CSNK2A3: variants seen among roughly 807,000 people sequenced by gnomAD.
The protein encoded by CSNK2A3 is casein kinase 2 alpha 3.
Under a neutral mutation model 36.5 loss-of-function variants are expected in CSNK2A3, and 31 were observed. The ratio of observed to expected loss-of-function variants is 0.85; its 90% CI spans 0.64 to 1.15. The LOEUF (loss-of-function observed/expected upper bound fraction) is 1.15. Among genes scored for constraint, CSNK2A3 ranks in the 50% most tolerant of loss-of-function variants. The probability of loss-of-function intolerance (pLI) is 0.00; values close to 1 mark genes in which losing one functional copy is unlikely to be tolerated. For synonymous variants in CSNK2A3, 152 were observed against 176.3 expected (o/e 0.86, Z 1.09); for missense variants, 443 against 487.2 (o/e 0.91, Z 0.85).
Position 11,352,621 on chromosome 11 carries a change from C to T in CSNK2A3, c.499G>A (p.Glu167Lys), listed in dbSNP as rs765804531. ...TCTATTAGTCGTAGCTTTCTGTGCT[C>T]ATGATCAATCATGACATTATGGGGC... ...VKPHNVMIDHEHRKLRLIDWG... is the reference protein window; with the variant it reads ...VKPHNVMIDHKHRKLRLIDWG... The change falls in exon 1 of 1, where the codon GAG becomes AAG. Residue 167 changes from glutamate to lysine, a missense_variant. By Grantham distance (56) the Glu-to-Lys change is moderately conservative. Transcript: ENST00000528848. 6 of 1,614,058 alleles carry T rather than the reference C, an allele frequency of 3.7e-6. No individual in the cohort carries two copies. The highest frequency in any genetic ancestry group is 4.2e-6 in the Non-Finnish European group (5 of 1,180,044).
the CSNK2A3 span, chr11:11,353,022 C>T: frequency 6.2e-6 from 10 of 1,614,096 alleles, no homozygotes; most frequent in East Asian, 2.0e-4. Flanking sequence ...TTGATTTCCC[C>T]ATTCCACCAC....
chr11:11,352,650 A>T lies in CSNK2A3; in HGVS notation c.470T>A (p.Val157Asp), dbSNP rs112076136. Reference protein sequence around the residue: ...CHSMGIMHRDVKPHNVMIDHE... With the variant: ...CHSMGIMHRDDKPHNVMIDHE... ...ATCAATCATGACATTATGGGGCTTG[A>T]CATCTCTGTGCATAATTCCCATGCT... The change falls in exon 1 of 1, where the codon GTC (valine) becomes GAC (aspartate). Residue 157 changes from valine (V) to aspartate (D), a missense_variant. Physicochemically the swap from Val to Asp is radical, Grantham distance 152. Coordinates refer to ENST00000528848, the MANE Select transcript of CSNK2A3 (RefSeq NM_001256686.2). 3.1e-6 allele frequency: 5 copies of T among 1,614,066 alleles called. No individual in the cohort carries two copies. The highest frequency in any genetic ancestry group is 4.2e-6 in the Non-Finnish European group (5 of 1,180,052).
Position 11,353,055 on chromosome 11 carries a change from T to C in CSNK2A3, c.65A>G (p.Glu22Gly). ...CACATGTGACTCGTAATCCCAGTATTCTCGAGGTCTGTGTGTATTAACATC... is the reference window on the plus strand; with the variant it reads ...CACATGTGACTCGTAATCCCAGTATCCTCGAGGTCTGTGTGTATTAACATC... The part of the protein sequence containing the change: ...YTDVNTHRPR[E>G]YWDYESHVVE... The change falls in exon 1 of 1, where the codon GAA (glutamate) becomes GGA (glycine). Residue 22 changes from glutamate (E) to glycine (G), a missense_variant. Glu to Gly is a moderately conservative substitution (Grantham distance 98, BLOSUM62 -2). Transcript: ENST00000528848. 1 of 1,614,214 alleles carries C rather than the reference T, an allele frequency of 6.2e-7. No individual in the cohort carries two copies. Among genetic ancestry groups the C allele is most frequent in the Non-Finnish European group, 8.5e-7 (1 of 1,180,044 alleles).
At position 11,352,250 on chromosome 11, in the gene CSNK2A3, C is replaced by G. The variant is rs753781749; in HGVS notation, c.870G>C (p.Gln290His). ...CCAAGGCCTCAGGGCTGACAAGGTG[C>G]TGATTTTCACTGTGGACAAAGCGTT... Reference protein sequence around the residue: ...RWERFVHSENQHLVSPEALDF... With the variant: ...RWERFVHSENHHLVSPEALDF... Residue 290 changes from glutamine (Q) to histidine (H), a missense_variant, in exon 1 of 1, where the codon CAG becomes CAC. Physicochemically the swap from Gln to His is conservative, Grantham distance 24. Transcript: ENST00000528848. The G allele has an allele frequency of 1.3e-5, 21 of 1,613,974 alleles. No homozygotes were observed. The highest frequency in any genetic ancestry group is 1.4e-5 in the Non-Finnish European group (17 of 1,180,020).
In CSNK2A3 at chr11:11,353,239, A is replaced by AAGCGGC; in HGVS notation, c.-126_-121dup. 1.6e-6 allele frequency: 2 copies of AAGCGGC among 1,285,738 alleles called. No individual in the cohort carries two copies. The highest frequency in any genetic ancestry group is 2.2e-6 in the Non-Finnish European group (2 of 915,628). 79.6% of individuals were successfully genotyped at this position (1,285,738 alleles called of 1,614,324 possible). A position where few individuals can be genotyped will look rare whatever the true frequency, so the allele number is the denominator to read the frequency against. ...ACCTGTTTTCTTCACACTGTGGTGG[A>AAGCGGC]AGCGGCAGCGGCTGTGGCCGCTCTC... On this transcript the variant is annotated 5_prime_UTR_variant, in exon 1 of 1. Transcript: ENST00000528848.
At chr11:11,352,252 G>A in the CSNK2A3 span, 1 of 1,614,086 alleles carries the variant, frequency 6.2e-7, no homozygotes, top group Non-Finnish European at 8.5e-7. Context: ...ACAAGGTGCT[G>A]ATTTTCACTG....
chr11:11,352,179 G>A lies in CSNK2A3; in HGVS notation c.941C>T (p.Thr314Ile). 6.2e-7 allele frequency: 1 copy of A among 1,613,806 alleles called. No homozygotes were observed. Among genetic ancestry groups the A allele is most frequent in the Admixed American group, 1.7e-5 (1 of 59,970 alleles). The stretch of plus-strand genomic sequence containing the variant: ...GGGGTGCTCCATGGCCTCTCTTGCA[G>A]TAAGCCGTGACTGGTGGTCATATCG... Reference protein sequence around the residue: ...LLRYDHQSRLTAREAMEHPYF... With the variant: ...LLRYDHQSRLIAREAMEHPYF... Residue 314 changes from threonine (T) to isoleucine (I), a missense_variant, in exon 1 of 1, where the codon ACT (threonine) becomes ATT (isoleucine). By Grantham distance (89) the Thr-to-Ile change is moderately conservative. Transcript: ENST00000528848.
At chr11:11,351,984 A>AG in the CSNK2A3 span, 1 of 1,610,644 alleles carries the variant, frequency 6.2e-7, no homozygotes, top group Admixed American at 1.7e-5. Context: ...AGGCATCCCA[A>AG]GGGGGTTGGC....
chr11:11,352,641 T>C lies in CSNK2A3; in HGVS notation c.479A>G (p.His160Arg), dbSNP rs758848628. 2.5e-6 allele frequency: 4 copies of C among 1,614,212 alleles called. No individual in the cohort carries two copies. The highest frequency in any genetic ancestry group is 1.1e-5 in the South Asian group (1 of 91,076). Residue 160 changes from histidine to arginine, a missense_variant, in exon 1 of 1, where the codon CAT (histidine) becomes CGT (arginine). Physicochemically the swap from His to Arg is conservative, Grantham distance 29 (BLOSUM62 0). Coordinates refer to ENST00000528848, the MANE Select transcript of CSNK2A3 (RefSeq NM_001256686.2). ...GTGCTCATGATCAATCATGACATTA[T>C]GGGGCTTGACATCTCTGTGCATAAT... ...MGIMHRDVKP[H>R]NVMIDHEHRK...
chr11:11,352,279 A>C lies in CSNK2A3; in HGVS notation c.841T>G (p.Trp281Gly), dbSNP rs530056112. 6.2e-7 allele frequency: 1 copy of C among 1,614,126 alleles called. No homozygotes were observed. Among genetic ancestry groups the C allele is most frequent in the Admixed American group, 1.7e-5 (1 of 60,006 alleles). The change falls in exon 1 of 1, where the codon TGG becomes GGG. Residue 281 changes from tryptophan (W) to glycine (G), a missense_variant. Transcript: ENST00000528848. ...DILGRHSRKR[W>G]ERFVHSENQH... is the part of the protein sequence containing the mutation. Reference sequence around the variant, plus strand: ...TTTTCACTGTGGACAAAGCGTTCCCATCGCTTTCGAGAGTGTCTGCCCAAG... The same window carrying C: ...TTTTCACTGTGGACAAAGCGTTCCCCTCGCTTTCGAGAGTGTCTGCCCAAG...
rs1393055453 is a variant in CSNK2A3 at position 11,353,125 on chromosome 11, A to C, written c.-6T>G. ...CTTGGCACGGGTCCCGACATGTCAG[A>C]CAGGTTGGCGGACAAAGCTGGACTT... On this transcript the variant is annotated 5_prime_UTR_variant, in exon 1 of 1. Transcript: ENST00000528848. The C allele has an allele frequency of 1.2e-6, 2 of 1,613,912 alleles. No individual in the cohort carries two copies. The highest frequency in any genetic ancestry group is 1.7e-6 in the Non-Finnish European group (2 of 1,179,834).
chr11:11,353,029 C>G lies in CSNK2A3; in HGVS notation c.91G>C (p.Val31Leu). ...REYWDYESHV[V>L]EWGNQDDYQL... is the part of the protein sequence containing the mutation. ...TAGTCATCTTGATTTCCCCATTCCA[C>G]CACATGTGACTCGTAATCCCAGTAT... is the stretch of plus-strand genomic sequence containing the variant. The change falls in exon 1 of 1, where the codon GTG (valine) becomes CTG (leucine). Residue 31 changes from valine (V) to leucine (L), a missense_variant. Physicochemically the swap from Val to Leu is conservative, Grantham distance 32. Coordinates refer to ENST00000528848, the MANE Select transcript of CSNK2A3 (RefSeq NM_001256686.2). 1.2e-6 allele frequency: 2 copies of G among 1,614,186 alleles called. No homozygotes were observed. Among genetic ancestry groups the G allele is most frequent in the Non-Finnish European group, 1.7e-6 (2 of 1,180,028 alleles).
rs1850437705 is a variant in CSNK2A3, at chr11:11,352,647, T to C, written c.473A>G (p.Lys158Arg). The C allele has an allele frequency of 6.2e-7, 1 of 1,614,196 alleles. No individual in the cohort carries two copies. Among genetic ancestry groups the C allele is most frequent in the South Asian group, 1.1e-5 (1 of 91,072 alleles). ...HSMGIMHRDV[K>R]PHNVMIDHEH... is the part of the protein sequence containing the mutation. ...ATGATCAATCATGACATTATGGGGC[T>C]TGACATCTCTGTGCATAATTCCCAT... is the stretch of plus-strand genomic sequence containing the variant. The change falls in exon 1 of 1, where the codon AAG (lysine) becomes AGG (arginine). Residue 158 changes from lysine (K) to arginine (R), a missense_variant. Coordinates refer to ENST00000528848, the MANE Select transcript of CSNK2A3 (RefSeq NM_001256686.2).
At chr11:11,352,712 G>T in the CSNK2A3 span, 22 of 1,613,980 alleles carry the variant, frequency 1.4e-5, no homozygotes, top group Non-Finnish European at 1.8e-5. Flanking sequence ...TCTCATACAT[G>T]TAAAATCGAA....
rs1280066938 is a variant in CSNK2A3 at position 11,353,173 on chromosome 11, A to G, written c.-54T>C. 1 of 1,606,168 alleles carries G rather than the reference A, an allele frequency of 6.2e-7. No individual in the cohort carries two copies. The highest frequency in any genetic ancestry group is 8.5e-7 in the Non-Finnish European group (1 of 1,173,348). On this transcript the variant is annotated 5_prime_UTR_variant, in exon 1 of 1. Coordinates refer to ENST00000528848, the MANE Select transcript of CSNK2A3 (RefSeq NM_001256686.2). ...CTTGATGTTTGGAGATCTGGCAGTCACTGTGTTCAGAAGCAGCTTGGGGGT... is the reference window on the plus strand; with the variant it reads ...CTTGATGTTTGGAGATCTGGCAGTCGCTGTGTTCAGAAGCAGCTTGGGGGT...
Position 11,352,800 on chromosome 11 carries a change from C to T in CSNK2A3, c.320G>A (p.Arg107Gln), listed in dbSNP as rs769966662. The T allele has an allele frequency of 1.7e-5, 28 of 1,613,976 alleles. No individual in the cohort carries two copies. Among genetic ancestry groups the T allele is most frequent in the Admixed American group, 3.3e-5 (2 of 59,982 alleles). ...LADIVKDPVSRTPALVFEHVN... is the reference protein window; with the variant it reads ...LADIVKDPVSQTPALVFEHVN... ...GTGTTCAAAAACCAAGGCGGGGGTT[C>T]GTGACACAGGGTCTTTTACAATGTC... Residue 107 changes from arginine (R) to glutamine (Q), a missense_variant, in exon 1 of 1, where the codon CGA becomes CAA. Arg to Gln is a conservative substitution (Grantham distance 43, BLOSUM62 1). Transcript: ENST00000528848.
At position 11,352,442 on chromosome 11, in the gene CSNK2A3, G is replaced by A. The variant is rs1355027836; in HGVS notation, c.678C>T (p.Ile226=). Residue 226 remains isoleucine, a synonymous_variant, in exon 1 of 1, where the codon ATC becomes ATT. Transcript: ENST00000528848. ...WRLGCMLASM[I]FRKEPFFHGR... ...CATGGAAAAATGGCTCCTTCCGAAA[G>A]ATCATACTTGCCAGCATACAACCCA... 2 of 1,614,114 alleles carry A rather than the reference G, an allele frequency of 1.2e-6. No individual in the cohort carries two copies. Among genetic ancestry groups the A allele is most frequent in the Middle Eastern group, 1.6e-4 (1 of 6,062 alleles).
In CSNK2A3 at chr11:11,353,133, G is replaced by T. The variant is rs1473507881; in HGVS notation, c.-14C>A. 1 of 1,613,418 alleles carries T rather than the reference G, an allele frequency of 6.2e-7. No homozygotes were observed. The highest frequency in any genetic ancestry group is 1.3e-5 in the African/African-American group (1 of 74,912). On this transcript the variant is annotated 5_prime_UTR_variant, in exon 1 of 1. Transcript: ENST00000528848. ...GGGTCCCGACATGTCAGACAGGTTG[G>T]CGGACAAAGCTGGACTTGATGTTTG...
At position 11,353,194 on chromosome 11, in the gene CSNK2A3, G is replaced by A. The variant is rs992881230; in HGVS notation, c.-75C>T. 2 of 1,586,114 alleles carry A rather than the reference G, an allele frequency of 1.3e-6. No individual in the cohort carries two copies. The highest frequency in any genetic ancestry group is 2.2e-5 in the South Asian group (2 of 89,816). On this transcript the variant is annotated 5_prime_UTR_variant, in exon 1 of 1. Coordinates refer to ENST00000528848, the MANE Select transcript of CSNK2A3 (RefSeq NM_001256686.2). ...AGTCACTGTGTTCAGAAGCAGCTTGGGGGTAAGACCTTGTTTCAGACCTGT... is the reference window on the plus strand; with the variant it reads ...AGTCACTGTGTTCAGAAGCAGCTTGAGGGTAAGACCTTGTTTCAGACCTGT...
Sources: allele counts gnomAD v4.1 joint callset, GRCh38; gene constraint gnomAD v4.1.1; transcripts MANE v1.5; gene names NCBI Gene and HGNC (gene_info 2026-07-23, HGNC 2026-07-21).